SLC36A2: variants seen among roughly 807,000 people sequenced by gnomAD.
The protein encoded by SLC36A2 is solute carrier family 36 member 2.
SLC36A2 carries 39 observed loss-of-function variants against 42.7 expected under a neutral mutation model. The observed-to-expected ratio is 0.91, with a 90% CI of 0.71 to 1.19. The LOEUF is 1.19. Among genes scored for constraint, SLC36A2 ranks in the 50% most tolerant of loss-of-function variants. The probability of loss-of-function intolerance (pLI) is 0.00; values close to 1 mark genes in which losing one functional copy is unlikely to be tolerated. For missense variants in SLC36A2, 590 were observed against 613.7 expected (o/e 0.96, Z 0.41); for synonymous variants, 237 against 240.8 (o/e 0.98, Z 0.15).
chr5:151,333,353 C>T, intron 6 of SLC36A2, 31 bp from the exon 7 acceptor site: 1 of 1,583,664 alleles, frequency 6.3e-7, no homozygotes, highest in Admixed American at 1.7e-5. Flanking sequence ...ATGAGACAGT[C>T]ACTCTTAAAG....
chr5:151,333,098 C>T, intron 7 of SLC36A2, 126 bp downstream of exon 7: 1 of 854,708 alleles, frequency 1.2e-6, no homozygotes, highest in Non-Finnish European at 2.0e-6. Context: ...TTACTTTCTC[C>T]CATGGGCATT....
rs532553052 is a variant in SLC36A2, at chr5:151,322,061, T to C, written c.1165A>G (p.Met389Val). The C allele has an allele frequency of 8.7e-6, 14 of 1,614,144 alleles. No individual in the cohort carries two copies. Among genetic ancestry groups the C allele is most frequent in the African/African-American group, 2.7e-5 (2 of 75,022 alleles). The change falls in exon 9 of 10, where the codon ATG becomes GTG. Residue 389 changes from methionine (M) to valine (V), a missense_variant. Transcript: ENST00000335244. ...LPLDLSIRLVMVCLTCLLAIL... is the reference protein window; with the variant it reads ...LPLDLSIRLVVVCLTCLLAIL... ...TTCTACTCACATGTCAGGCAGACCATGACGAGGCGAATGGACAGATCCAGA... is the reference window on the plus strand; with the variant it reads ...TTCTACTCACATGTCAGGCAGACCACGACGAGGCGAATGGACAGATCCAGA...
chr5:151,319,554 G>T, intron 9 of SLC36A2: 1 of 154,224 alleles, frequency 6.5e-6, no homozygotes, highest in South Asian at 1.9e-4. Context: ...CTGCTGAACT[G>T]AAACTGAACA....
chr5:151,343,663 A>G (rs1580866337), intron 2 of SLC36A2, 65 bp from the exon 3 acceptor site: 1 of 1,442,092 alleles, frequency 6.9e-7, no homozygotes, highest in East Asian at 2.3e-5. Context: ...AGAATACTGC[A>G]AGATGGGCTT....
At chr5:151,335,093 A>C (rs1436097429) in intron 6 of SLC36A2, among the ~76,000 whole-genome samples, 3 of 152,176 alleles carry the variant, frequency 2.0e-5, no homozygotes, top group African/African-American at 7.2e-5. Flanking sequence ...TTTTTTTAAA[A>C]AAGCCAGAAT....
chr5:151,339,191 TCAAC>T, intron 4 of SLC36A2, 47 bp from the exon 5 acceptor site: 1 of 1,458,814 alleles, frequency 6.9e-7, no homozygotes, highest in Non-Finnish European at 9.6e-7. Context: ...ATAAAATAAG[TCAAC>T]TTGTCAGTTC....
Position 151,342,963 on chromosome 5 carries a change from T to C in SLC36A2, c.365A>G (p.Asp122Gly). The change falls in exon 4 of 10, where the codon GAC (aspartate) becomes GGC (glycine). Residue 122 changes from aspartate to glycine, a missense_variant. Coordinates refer to ENST00000335244, the MANE Select transcript of SLC36A2 (RefSeq NM_181776.3). ...FCKRLNKPFM[D>G]YGDTVMHGLE... Reference sequence around the variant, plus strand: ...TCCATGCATCACCGTGTCCCCATAGTCCATAAAGGGCTTGTTAAGCCTGCA... The same window carrying C: ...TCCATGCATCACCGTGTCCCCATAGCCCATAAAGGGCTTGTTAAGCCTGCA... 1 of 1,614,040 alleles carries C rather than the reference T, an allele frequency of 6.2e-7. No homozygotes were observed. The highest frequency in any genetic ancestry group is 8.5e-7 in the Non-Finnish European group (1 of 1,179,950).
In SLC36A2 at chr5:151,316,764, GA is replaced by G. The variant is rs1755505017; in HGVS notation, c.*52del. The G allele has an allele frequency of 1.1e-5, 9 of 799,168 alleles. No homozygotes were observed. The highest frequency in any genetic ancestry group is 1.5e-5 in the Non-Finnish European group (9 of 581,000). The allele number at this position is 799,168 out of a possible 1,614,324, so 49.5% of individuals were successfully genotyped here. The stretch of plus-strand genomic sequence containing the variant: ...TCAAAAAAAAAAAAAAAAAAAAAAA[GA>G]GATCCATATAATTAAAAGTCGGGTG... On this transcript the variant is annotated 3_prime_UTR_variant, in exon 10 of 10. Coordinates refer to ENST00000335244, the MANE Select transcript of SLC36A2 (RefSeq NM_181776.3).
At chr5:151,326,754 A>C (rs902375651) in intron 7 of SLC36A2, among the ~76,000 whole-genome samples, 3 of 151,516 alleles carry the variant, frequency 2.0e-5, no homozygotes, top group Non-Finnish European at 4.4e-5. Flanking sequence ...AGCATTCTCT[A>C]CATGCACTAT....
chr5:151,335,848 G>A (rs1756140863), intron 5 of SLC36A2, among the ~76,000 whole-genome samples: 1 of 152,022 alleles, frequency 6.6e-6, no homozygotes, highest in Non-Finnish European at 1.5e-5. Flanking sequence ...GGCCAACATC[G>A]TGAAACCCCA....
In SLC36A2 at chr5:151,317,040, A is replaced by C. The variant is rs200334307; in HGVS notation, c.1229T>G (p.Val410Gly). 1.2e-6 allele frequency: 2 copies of C among 1,614,116 alleles called. No homozygotes were observed. Among genetic ancestry groups the C allele is most frequent in the Middle Eastern group, 1.7e-4 (1 of 6,048 alleles). Reference protein sequence around the residue: ...IPRLDLVISLVGSVSGTALAL... With the variant: ...IPRLDLVISLGGSVSGTALAL... ...CAGGGCGGTGCCACTCACGGAGCCC[A>C]CCAGGGAGATGACCAGGTCCAGGCG... Residue 410 changes from valine (V) to glycine (G), a missense_variant, in exon 10 of 10, where the codon GTG becomes GGG. Coordinates refer to ENST00000335244, the MANE Select transcript of SLC36A2 (RefSeq NM_181776.3).
Position 151,315,402 on chromosome 5 carries a change from G to GC in SLC36A2, c.*1414_*1415insG, listed in dbSNP as rs1755464264. 2.6e-5 allele frequency: 4 copies of GC among 152,268 alleles called. No homozygotes were observed. The highest frequency in any genetic ancestry group is 9.6e-5 in the African/African-American group (4 of 41,454). The allele number at this position is 152,268 out of a possible 1,614,324, so 9.4% of individuals were successfully genotyped here. On this transcript the variant is annotated 3_prime_UTR_variant, in exon 10 of 10. Transcript: ENST00000335244. ...TCAGCACTTTGGGAGGCCGAGGCAA[G>GC]TGGATCACCTGAGGTCAGGAGTTTG...
At chr5:151,321,773 T>C (rs1755699496) in intron 9 of SLC36A2, 2 of 403,222 alleles carry the variant, frequency 5.0e-6, no homozygotes, top group Non-Finnish European at 9.5e-6. Context: ...CTGCCCTACA[T>C]GTTCAAGTGA....
chr5:151,333,433 G>C, intron 6 of SLC36A2, 111 bp from the exon 7 acceptor site: 1 of 916,584 alleles, frequency 1.1e-6, no homozygotes, highest in South Asian at 1.4e-5. Context: ...TGAATATCAA[G>C]AAGTTTAGAA....
chr5:151,332,565 C>A, intron 7 of SLC36A2: 1 of 380,518 alleles, frequency 2.6e-6, no homozygotes, highest in South Asian at 2.0e-5. Context: ...TGTGCAACAG[C>A]ATGGACGAAT....
chr5:151,324,009 G>A lies in SLC36A2; in HGVS notation c.1010+1277C>T, dbSNP rs78250332. ...ATGACCTGGTGTGGGAGAAAATCCCGCACAGTGGGATGTGGGTTCATGCGT... is the reference window on the plus strand; with the variant it reads ...ATGACCTGGTGTGGGAGAAAATCCCACACAGTGGGATGTGGGTTCATGCGT... On this transcript the variant is annotated intron_variant, in intron 8 of 9. Transcript: ENST00000335244. 3.8e-3 allele frequency among the ~76,000 whole-genome samples: 586 copies of A among 152,274 alleles called. 7 individuals carry two copies. The highest frequency in any genetic ancestry group is 0.013 in the African/African-American group (548 of 41,526).
chr5:151,336,579 CTCTT>C (rs1756163095), intron 5 of SLC36A2, among the ~76,000 whole-genome samples: 1 of 149,004 alleles, frequency 6.7e-6, no homozygotes. Context: ...AGTAAGAAAA[CTCTT>C]TCTTGTGTGG....
At chr5:151,332,254 C>T (rs958466479) in intron 7 of SLC36A2, among the ~76,000 whole-genome samples, 2 of 152,138 alleles carry the variant, frequency 1.3e-5, no homozygotes, top group African/African-American at 4.8e-5. Flanking sequence ...AACCATTTTT[C>T]TGATAAGGAT....
chr5:151,317,124 C>A lies in SLC36A2; in HGVS notation c.1181-36G>T, dbSNP rs565908009. 2.9e-5 allele frequency: 47 copies of A among 1,608,212 alleles called. No individual in the cohort carries two copies. The South Asian group carries it at 4.7e-4, about 16-fold the overall frequency. On this transcript the variant is annotated intron_variant, in intron 9 of 9. Coordinates refer to ENST00000335244, the MANE Select transcript of SLC36A2 (RefSeq NM_181776.3). ...AGGATAGTGGAGAGATGGAGCATTC[C>A]AGGCTTAGCCAAGCTTTGAAAGTTT...
Sources: allele counts gnomAD v4.1 joint callset (sites outside exome capture counted in the v4.1 genomes callset), GRCh38; gene constraint gnomAD v4.1.1; transcripts MANE v1.5; gene names NCBI Gene and HGNC (gene_info 2026-07-23, HGNC 2026-07-21).